The following EXOSC10 variants were observed in gnomAD, a reference collection of about 807,000 sequenced individuals.
The protein encoded by EXOSC10 is exosome complex component 10.
Under a neutral mutation model 126.6 loss-of-function variants are expected in EXOSC10, and 94 were observed. The observed-to-expected ratio is 0.74, with a 90% CI of 0.63 to 0.88. The LOEUF (loss-of-function observed/expected upper bound fraction) is 0.88. EXOSC10 is among the 40% of genes least tolerant of loss of function. The pLI, the probability that EXOSC10 is intolerant of heterozygous loss-of-function variation, is 0.00. For missense variants in EXOSC10, 1,041 were observed against 1,100.5 expected (o/e 0.95, Z 0.77); for synonymous variants, 395 against 400.8 (o/e 0.99, Z 0.17).
chr1:11,092,643 G>A lies in EXOSC10; in HGVS notation c.373-1046C>T, dbSNP rs1042868023. ...AGCAATTCTCATGCCTCAGCCTCCCGAGTATCTGGGACTACAGGTGCACGC... is the reference window on the plus strand; with the variant it reads ...AGCAATTCTCATGCCTCAGCCTCCCAAGTATCTGGGACTACAGGTGCACGC... On this transcript the variant is annotated intron_variant, in intron 3 of 24. Transcript: ENST00000376936. Among the ~76,000 whole-genome samples, 58 of 149,682 alleles carry A rather than the reference G, an allele frequency of 3.9e-4. 2 individuals carry two copies. The highest frequency in any genetic ancestry group is 1.9e-4 in the Non-Finnish European group (13 of 67,460).
At chr1:11,067,112 C>T (rs541993158) in intron 24 of EXOSC10, among the ~76,000 whole-genome samples, 1 of 152,296 alleles carries the variant, frequency 6.6e-6, no homozygotes, top group South Asian at 2.1e-4. Flanking sequence ...GCCTGGCCAA[C>T]ATGGCAAAAC....
At chr1:11,099,082 T>C (rs1641276978) in intron 1 of EXOSC10, among the ~76,000 whole-genome samples, 1 of 152,212 alleles carries the variant, frequency 6.6e-6, no homozygotes, top group Non-Finnish European at 1.5e-5. Flanking sequence ...TTTCTGTAAA[T>C]TTATAGGGTT....
Position 11,078,547 on chromosome 1 carries a change from G to A in EXOSC10, c.1750-896C>T, listed in dbSNP as rs535240382. 3.6e-4 allele frequency among the ~76,000 whole-genome samples: 55 copies of A among 152,128 alleles called. No homozygotes were observed. The East Asian group carries it at 4.6e-3, about 13-fold the overall frequency. ...GCTGGGATTACAGGCGTGAGCCACC[G>A]CGCCCGGCTGACCCTGTTTCAAAAC... On this transcript the variant is annotated intron_variant, in intron 14 of 24. Coordinates refer to ENST00000376936, the MANE Select transcript of EXOSC10 (RefSeq NM_001001998.3).
chr1:11,076,185 A>G (rs1354424321), intron 17 of EXOSC10, among the ~76,000 whole-genome samples: 4 of 151,748 alleles, frequency 2.6e-5, no homozygotes, highest in African/African-American at 9.7e-5. Flanking sequence ...AACCAAACAA[A>G]CAAAAAAAGT....
rs559856271 is a variant in EXOSC10 at position 11,080,889 on chromosome 1, C to T, written c.1461G>A (p.Thr487=). Residue 487 remains threonine (T), a synonymous_variant, in exon 12 of 25, where the codon ACG becomes ACA. Transcript: ENST00000376936. ...CLKKFIKPIF[T]DESYLELYRK... ...TATAGAGTTCAAGGTAGGACTCATC[C>T]GTGAAGATAGGTTTGATGAATTTCT... is the stretch of plus-strand genomic sequence containing the variant. The T allele has an allele frequency of 3.1e-6, 5 of 1,608,452 alleles. No homozygotes were observed. Among genetic ancestry groups the T allele is most frequent in the African/African-American group, 1.3e-5 (1 of 74,686 alleles).
chr1:11,087,917 C>T lies in EXOSC10; in HGVS notation c.835-7G>A, dbSNP rs1640588815. On this transcript the variant is annotated splice_region_variant and splice_polypyrimidine_tract_variant and intron_variant, in intron 7 of 24. Transcript: ENST00000376936. ...CTTCTATAGGTCTGTATAACTGGAT[C>T]AAGAGAATAGTAAGAAAAAGGGAGG... is the stretch of plus-strand genomic sequence containing the variant. The T allele has an allele frequency of 6.5e-7, 1 of 1,531,612 alleles. No homozygotes were observed. The allele number at this position is 1,531,612 out of a possible 1,614,324, so 94.9% of individuals were successfully genotyped here. A position where few individuals can be genotyped will look rare whatever the true frequency, so the allele number is the denominator to read the frequency against.
chr1:11,087,985 A>G (rs1640594555), intron 7 of EXOSC10, 75 bp from the exon 8 acceptor site: 12 of 1,262,178 alleles, frequency 9.5e-6, no homozygotes, highest in Admixed American at 4.0e-5. Flanking sequence ...GTGAACTACA[A>G]GTTTGAGAAA....
intron 3 of EXOSC10, chr1:11,095,463 C>T (rs1641024765): frequency 4.0e-6 from 1 of 247,198 alleles, no homozygotes; most frequent in Non-Finnish European, 8.3e-6. Context: ...CCTGTAATCC[C>T]AGCATTCTGG....
intron 3 of EXOSC10, among the ~76,000 whole-genome samples, chr1:11,094,603 C>CTTT (rs772853273): frequency 7.3e-4 from 94 of 128,050 alleles, no homozygotes; most frequent in Middle Eastern, 5.0e-3. Context: ...GCCAGGCCAC[C>CTTT]TTTTTTTTTT....
At chr1:11,098,291 C>A in intron 1 of EXOSC10, 135 bp from the exon 2 acceptor site, 1 of 1,059,330 alleles carries the variant, frequency 9.4e-7, no homozygotes, top group East Asian at 2.8e-5. Context: ...TGCCAAACCC[C>A]AATCTAATCT....
chr1:11,067,896 T>C (rs1639201011), intron 24 of EXOSC10, 112 bp downstream of exon 24: 2 of 859,430 alleles, frequency 2.3e-6, no homozygotes, highest in Admixed American at 2.4e-5. Context: ...TGAGTCATCC[T>C]GGTTGAAGAC....
At position 11,095,529 on chromosome 1, in the gene EXOSC10, C is replaced by T. The variant is rs112029531; in HGVS notation, c.372+229G>A. ...GAGATCGAGACCATCCTGGCTAACA[C>T]GGTGAAACCCCGTCTCTACTAAAAA... On this transcript the variant is annotated intron_variant, in intron 3 of 24. Transcript: ENST00000376936. 2,126 of 349,166 alleles carry T rather than the reference C, an allele frequency of 6.1e-3. 39 individuals carry two copies. The highest frequency in any genetic ancestry group is 0.04 in the African/African-American group (1,938 of 47,902). 21.6% of individuals were successfully genotyped at this position (349,166 alleles called of 1,614,324 possible).
chr1:11,088,747 CT>C (rs1640636398), intron 6 of EXOSC10, among the ~76,000 whole-genome samples: 1 of 152,182 alleles, frequency 6.6e-6, no homozygotes, highest in Non-Finnish European at 1.5e-5. Context: ...AGAGCTGGGG[CT>C]AAAGGCATGA....
chr1:11,066,796 T>C, intron 24 of EXOSC10, 48 bp from the exon 25 acceptor site: 20 of 1,600,070 alleles, frequency 1.2e-5, no homozygotes, highest in Non-Finnish European at 1.7e-5. Context: ...GCTGGTTGGA[T>C]GTTCTCAGAT....
intron 2 of EXOSC10, among the ~76,000 whole-genome samples, chr1:11,096,471 CTT>C (rs70977546): frequency 6.4e-3 from 765 of 118,784 alleles, no homozygotes; most frequent in East Asian, 0.018. Context: ...TTCTTTCTTT[CTT>C]TTTTTTTTTT....
Position 11,066,758 on chromosome 1 carries a change from GT to G in EXOSC10, c.2628-11del. 1 of 1,614,058 alleles carries G rather than the reference GT, an allele frequency of 6.2e-7. No individual in the cohort carries two copies. The highest frequency in any genetic ancestry group is 8.5e-7 in the Non-Finnish European group (1 of 1,179,912). ...GTTGTACCTGAAGCCTCTGCAGAGA[GT>G]ACAAAAACAACAGTTATTTCTTCCG... On this transcript the variant is annotated splice_polypyrimidine_tract_variant and intron_variant, in intron 24 of 24. Transcript: ENST00000376936.
At position 11,073,877 on chromosome 1, in the gene EXOSC10, C is replaced by CAAAAA. The variant is rs770965502; in HGVS notation, c.2157+52_2157+56dup. ...TGGGTGACAAAGCGAGACTCCATCTCAAAAAAAAAAAAAAAAAAAAAAAGT... is the reference window on the plus strand; with the variant it reads ...TGGGTGACAAAGCGAGACTCCATCTCAAAAAAAAAAAAAAAAAAAAAAAAAAAAGT... On this transcript the variant is annotated intron_variant, in intron 19 of 24. Coordinates refer to ENST00000376936, the MANE Select transcript of EXOSC10 (RefSeq NM_001001998.3). 98 of 538,772 alleles carry CAAAAA rather than the reference C, an allele frequency of 1.8e-4. 16 individuals carry two copies. Among genetic ancestry groups the CAAAAA allele is most frequent in the Admixed American group, 8.3e-4 (17 of 20,456 alleles). The allele number at this position is 538,772 out of a possible 1,614,324, so 33.4% of individuals were successfully genotyped here. A position where few individuals can be genotyped will look rare whatever the true frequency, so the allele number is the denominator to read the frequency against.
Position 11,087,437 on chromosome 1 carries a change from G to A in EXOSC10, c.1089+11C>T. ...GAGCTCACATGCATGAGTTACAAAA[G>A]GCTGGCTGACCTTAACGATGGCTGG... is the stretch of plus-strand genomic sequence containing the variant. On this transcript the variant is annotated intron_variant, in intron 9 of 24. Transcript: ENST00000376936. The A allele has an allele frequency of 6.2e-7, 1 of 1,613,964 alleles. No individual in the cohort carries two copies. The highest frequency in any genetic ancestry group is 8.5e-7 in the Non-Finnish European group (1 of 1,179,926).
chr1:11,097,965 C>T, intron 2 of EXOSC10, 55 bp downstream of exon 2: 1 of 1,427,810 alleles, frequency 7.0e-7, no homozygotes, highest in South Asian at 1.6e-5. Flanking sequence ...AATTTATCTA[C>T]TTCTTTGTTT....
Sources: allele counts gnomAD v4.1 joint callset (sites outside exome capture counted in the v4.1 genomes callset), GRCh38; gene constraint gnomAD v4.1.1; transcripts MANE v1.5; gene names NCBI Gene and HGNC (gene_info 2026-07-23, HGNC 2026-07-21).